Variants in LRRC37A2 observed in about 807,000 individuals in gnomAD.
LRRC37A2 encodes the protein leucine rich repeat containing 37 member A2, also known as leucine-rich repeat-containing protein 37A2.
In LRRC37A2, 9 loss-of-function variants were observed where a neutral mutation model predicts 68.8. The observed-to-expected ratio is 0.13, with a 90% CI of 0.08 to 0.23. LRRC37A2 has a LOEUF of 0.23. Among genes scored for constraint, LRRC37A2 ranks in the 10% least tolerant of loss-of-function variants. The probability of loss-of-function intolerance (pLI) is 1.00; values close to 1 mark genes in which losing one functional copy is unlikely to be tolerated. For missense variants in LRRC37A2, 168 were observed against 950.4 expected (o/e 0.18, Z 10.82); for synonymous variants, 63 against 367.6 (o/e 0.17, Z 9.48).
At chr17:46,747,373 T>G in the LRRC37A2 span, among the ~76,000 whole-genome samples, 3 of 152,148 alleles carry the variant, frequency 2.0e-5, no homozygotes, top group Non-Finnish European at 4.4e-5. Context: ...CTCAAACTCC[T>G]TGGCTCAAGC....
the LRRC37A2 span, among the ~76,000 whole-genome samples, chr17:47,033,769 C>G: frequency 6.6e-6 from 1 of 152,180 alleles, no homozygotes; most frequent in Admixed American, 6.5e-5. Context: ...TGTGAGCTAC[C>G]TTTATTCTGT....
chr17:46,947,682 G>A, the LRRC37A2 span, among the ~76,000 whole-genome samples: 1 of 152,170 alleles, frequency 6.6e-6, no homozygotes, highest in Non-Finnish European at 1.5e-5. Context: ...AAACCTCAGC[G>A]TCCTGTCTGT....
At chr17:46,994,823 AC>A in the LRRC37A2 span, among the ~76,000 whole-genome samples, 1 of 74,358 alleles carries the variant, frequency 1.3e-5, no homozygotes. Context: ...ACAAAACAAA[AC>A]AAAAAAAACA....
the LRRC37A2 span, among the ~76,000 whole-genome samples, chr17:46,796,854 C>T: frequency 6.6e-6 from 1 of 152,160 alleles, no homozygotes; most frequent in African/African-American, 2.4e-5. Flanking sequence ...TCCACTCAAG[C>T]CCTCCAGAAA....
the LRRC37A2 span, among the ~76,000 whole-genome samples, chr17:46,998,233 C>T: frequency 7.2e-5 from 11 of 152,058 alleles, no homozygotes; most frequent in Admixed American, 3.3e-4. Flanking sequence ...AAAGAAGAAC[C>T]CAGCAGCCTA....
the LRRC37A2 span, among the ~76,000 whole-genome samples, chr17:46,838,819 A>C: frequency 6.6e-6 from 1 of 152,138 alleles, no homozygotes. Flanking sequence ...GCCTGTGCAC[A>C]GAGAGGGGAT....
the LRRC37A2 span, among the ~76,000 whole-genome samples, chr17:46,886,965 C>T: frequency 6.6e-6 from 1 of 152,054 alleles, no homozygotes; most frequent in African/African-American, 2.4e-5. Flanking sequence ...TACAGGCGTG[C>T]ACCACTATAC....
chr17:46,832,166 G>A, the LRRC37A2 span, among the ~76,000 whole-genome samples: 6 of 152,194 alleles, frequency 3.9e-5, no homozygotes, highest in African/African-American at 1.4e-4. Context: ...CCTGCAGAGG[G>A]GGTGCTGGTG....
the LRRC37A2 span, chr17:46,770,191 G>C: frequency 8.6e-7 from 1 of 1,161,182 alleles, no homozygotes. Context: ...GAGGGAGGCA[G>C]CTTCCCCACC....
the LRRC37A2 span, among the ~76,000 whole-genome samples, chr17:46,764,904 C>T: frequency 6.6e-6 from 1 of 152,314 alleles, no homozygotes; most frequent in Non-Finnish European, 1.5e-5. Context: ...ACAGGAAGCC[C>T]AGGAGCAGGT....
chr17:46,758,641 T>C, the LRRC37A2 span, among the ~76,000 whole-genome samples: 1 of 152,136 alleles, frequency 6.6e-6, no homozygotes. Context: ...CACAGAAAAA[T>C]TGCATAATTG....
At chr17:46,951,682 G>C in the LRRC37A2 span, among the ~76,000 whole-genome samples, 1 of 152,174 alleles carries the variant, frequency 6.6e-6, no homozygotes, top group Admixed American at 6.5e-5. Context: ...TCCCAGGCCA[G>C]GGTAATGCTG....
chr17:46,763,100 A>G, the LRRC37A2 span: 1 of 152,168 alleles, frequency 6.6e-6, no homozygotes, highest in Non-Finnish European at 1.5e-5. Context: ...CATCTTGGCA[A>G]GCCCACCTGC....
chr17:46,871,108 G>T, the LRRC37A2 span, among the ~76,000 whole-genome samples: 1 of 151,782 alleles, frequency 6.6e-6, no homozygotes, highest in South Asian at 2.1e-4. Flanking sequence ...ACAGGGTTTT[G>T]CTGTCACACA....
At chr17:46,838,097 C>T in the LRRC37A2 span, among the ~76,000 whole-genome samples, 1 of 152,120 alleles carries the variant, frequency 6.6e-6, no homozygotes, top group African/African-American at 2.4e-5. Context: ...GCCCCCTCTT[C>T]ACTTCTCCCA....
chr17:46,965,042 A>G, the LRRC37A2 span: 1 of 152,226 alleles, frequency 6.6e-6, no homozygotes, highest in South Asian at 2.1e-4. Context: ...ACCCTCCGGT[A>G]AGTACATGTG....
At chr17:46,916,796 T>G in the LRRC37A2 span, 1 of 152,252 alleles carries the variant, frequency 6.6e-6, no homozygotes, top group South Asian at 2.1e-4. Flanking sequence ...CTCACAGTTC[T>G]GGAGGTTGGT....
At chr17:46,859,388 G>A in the LRRC37A2 span, among the ~76,000 whole-genome samples, 1 of 152,178 alleles carries the variant, frequency 6.6e-6, no homozygotes, top group Non-Finnish European at 1.5e-5. Context: ...GTGTTTCAGT[G>A]CCATTTGTTG....
At chr17:46,719,847 C>T in the LRRC37A2 span, among the ~76,000 whole-genome samples, 1 of 152,114 alleles carries the variant, frequency 6.6e-6, no homozygotes, top group African/African-American at 2.4e-5. This position sits in a 1 kb window ranked among gnomAD's most constrained non-coding sequence, Gnocchi z 4.3. Context: ...TCAGATAGAA[C>T]TAAATTGTTT....
Sources: allele counts gnomAD v4.1 joint callset (sites outside exome capture counted in the v4.1 genomes callset), GRCh38; gene constraint gnomAD v4.1.1; non-coding constraint Gnocchi (gnomAD v3.1); transcripts MANE v1.5; gene names NCBI Gene and HGNC (gene_info 2026-07-23, HGNC 2026-07-21).